Variants in DNMBP observed in about 807,000 individuals in gnomAD.
DNMBP encodes the protein dynamin-binding protein.
In DNMBP, 87 loss-of-function variants were observed where a neutral mutation model predicts 150.0. The observed-to-expected ratio is 0.58, with a 90% CI of 0.49 to 0.69. The LOEUF (loss-of-function observed/expected upper bound fraction) is 0.69, where lower values mean the gene tolerates loss of function less well. Ranked by LOEUF, DNMBP falls within the 30% of genes least tolerant of loss-of-function variation. The pLI is 0.00. For missense variants in DNMBP, 1,774 were observed against 1,949.0 expected (o/e 0.91, Z 1.69); for synonymous variants, 711 against 750.4 (o/e 0.95, Z 0.86).
intron 11 of DNMBP, chr10:99,889,482 C>T (rs2039524003): frequency 6.6e-6 from 1 of 152,412 alleles, no homozygotes; most frequent in African/African-American, 2.4e-5. Flanking sequence ...TTGACTAATG[C>T]TTGCTTATTG....
chr10:99,924,693 G>A (rs1448006470), intron 4 of DNMBP, among the ~76,000 whole-genome samples: 1 of 152,150 alleles, frequency 6.6e-6, no homozygotes, highest in East Asian at 1.9e-4. Flanking sequence ...AAGGAGATAT[G>A]GGATCTATGT....
At chr10:99,995,664 T>C (rs1193213606) in intron 1 of DNMBP, among the ~76,000 whole-genome samples, 1 of 152,220 alleles carries the variant, frequency 6.6e-6, no homozygotes, top group Admixed American at 6.5e-5. Context: ...TGGTTGCAGA[T>C]ATGTGACTTG....
chr10:99,991,366 C>T (rs1448905938), intron 1 of DNMBP, among the ~76,000 whole-genome samples: 2 of 151,878 alleles, frequency 1.3e-5, no homozygotes, highest in African/African-American at 2.4e-5. Context: ...CGTGAGCCAC[C>T]GCGGCCGGTC....
chr10:99,910,260 G>T (rs929034218), intron 4 of DNMBP, among the ~76,000 whole-genome samples: 4 of 152,230 alleles, frequency 2.6e-5, no homozygotes, highest in Admixed American at 2.0e-4. Flanking sequence ...AGGAATTCTG[G>T]GACGGGTGCA....
chr10:99,905,454 C>G (rs1377562592), intron 6 of DNMBP, among the ~76,000 whole-genome samples: 1 of 152,128 alleles, frequency 6.6e-6, no homozygotes, highest in Non-Finnish European at 1.5e-5. Context: ...GATAGAGTAC[C>G]TAAACTGGCT....
intron 3 of DNMBP, among the ~76,000 whole-genome samples, chr10:99,964,103 CCT>C (rs1262120422): frequency 1.3e-5 from 2 of 150,416 alleles, no homozygotes; most frequent in East Asian, 1.9e-4. Context: ...TTGTTTCTCT[CCT>C]CTCTGTCTTT....
chr10:99,989,201 G>C (rs2040860504), intron 1 of DNMBP, among the ~76,000 whole-genome samples: 1 of 152,174 alleles, frequency 6.6e-6, no homozygotes, highest in Non-Finnish European at 1.5e-5. Flanking sequence ...ACCCTTTACT[G>C]TGTAATCATG....
rs199654258 is a variant in DNMBP at position 99,886,490 on chromosome 10, T to A, written c.3428A>T (p.Asp1143Val). Residue 1143 changes from aspartate to valine, a missense_variant, in exon 13 of 17, where the codon GAC becomes GTC. Physicochemically the swap from Asp to Val is radical, Grantham distance 152. Transcript: ENST00000324109. The part of the protein sequence containing the change: ...NCTERAEKLK[D>V]KKTLEELQSA... Reference sequence around the variant, plus strand: ...CTGCAGCTCCTCCAGGGTCTTCTTGTCCTTTAGCTTTTCTGCCCGTTCTGT... The same window carrying A: ...CTGCAGCTCCTCCAGGGTCTTCTTGACCTTTAGCTTTTCTGCCCGTTCTGT... 9.9e-6 allele frequency: 16 copies of A among 1,614,158 alleles called. No homozygotes were observed. The Admixed American group carries it at 1.2e-4, about 12-fold the overall frequency.
chr10:99,918,996 T>A (rs2133263264), intron 4 of DNMBP, among the ~76,000 whole-genome samples: 1 of 152,368 alleles, frequency 6.6e-6, no homozygotes, highest in South Asian at 2.1e-4. Flanking sequence ...AAGCAAATTT[T>A]TATGTCAGTC....
At chr10:99,903,470 C>A (rs115176074) in intron 6 of DNMBP, among the ~76,000 whole-genome samples, 28 of 152,194 alleles carry the variant, frequency 1.8e-4, no homozygotes, top group African/African-American at 6.5e-4. Context: ...ATAGCTGGAA[C>A]TACAAGTGTG....
At chr10:99,932,560 C>T (rs1422428927) in intron 4 of DNMBP, among the ~76,000 whole-genome samples, 1 of 151,298 alleles carries the variant, frequency 6.6e-6, no homozygotes, top group African/African-American at 2.4e-5. Context: ...CATAGTTCCC[C>T]TGGCATTTAG....
At chr10:99,964,880 A>G (rs2040604088) in intron 3 of DNMBP, among the ~76,000 whole-genome samples, 1 of 123,356 alleles carries the variant, frequency 8.1e-6, no homozygotes, top group African/African-American at 3.4e-5. Flanking sequence ...CAAGGAAAAA[A>G]AAAAAATATA....
chr10:99,927,225 C>G (rs1218427052), intron 4 of DNMBP: 1 of 152,094 alleles, frequency 6.6e-6, no homozygotes. Context: ...GAAGTGTTTA[C>G]GGTCTAGGGT....
intron 13 of DNMBP, 140 bp downstream of exon 13, chr10:99,886,160 A>T (rs2039458667): frequency 7.8e-6 from 6 of 769,004 alleles, no homozygotes; most frequent in Non-Finnish European, 1.2e-5. Context: ...CAAGGGATTA[A>T]GATTTCCTGA....
At chr10:99,919,078 G>T (rs989881915) in intron 4 of DNMBP, among the ~76,000 whole-genome samples, 2 of 152,104 alleles carry the variant, frequency 1.3e-5, no homozygotes, top group African/African-American at 4.8e-5. Context: ...ATTTTACCAA[G>T]GCTCTTGAGG....
intron 11 of DNMBP, among the ~76,000 whole-genome samples, chr10:99,892,246 T>C (rs1358360608): frequency 4.7e-5 from 7 of 150,074 alleles, no homozygotes; most frequent in Admixed American, 2.7e-4. Flanking sequence ...CACCACCCCG[T>C]CTGGGAGGTG....
chr10:99,886,354 T>C lies in DNMBP; in HGVS notation c.3564A>G (p.Glu1188=), dbSNP rs1361163973. 7 of 1,614,194 alleles carry C rather than the reference T, an allele frequency of 4.3e-6. No individual in the cohort carries two copies. The East Asian group carries it at 1.6e-4, about 36-fold the overall frequency. Residue 1188 remains glutamate, a synonymous_variant, in exon 13 of 17, where the codon GAA becomes GAG. Coordinates refer to ENST00000324109, the MANE Select transcript of DNMBP (RefSeq NM_015221.4). ...LFTNCVHGYA[E]AHCDFVHQAL... Reference sequence around the variant, plus strand: ...CCTGGTGCACAAAGTCACAGTGGGCTTCAGCATAGCCGTGGACACAGTTGG... The same window carrying C: ...CCTGGTGCACAAAGTCACAGTGGGCCTCAGCATAGCCGTGGACACAGTTGG...
intron 1 of DNMBP, among the ~76,000 whole-genome samples, chr10:99,990,511 A>T (rs972025164): frequency 6.6e-6 from 1 of 151,590 alleles, no homozygotes; most frequent in Non-Finnish European, 1.5e-5. Context: ...GAGATACACC[A>T]CTGCACTCCG....
chr10:99,883,490 G>A (rs908713307), intron 15 of DNMBP, among the ~76,000 whole-genome samples: 6 of 151,782 alleles, frequency 4.0e-5, no homozygotes, highest in Admixed American at 1.3e-4. Flanking sequence ...ATGGCAAGAC[G>A]TAATATCTAT....
Sources: gnomAD v4.1 joint callset for allele counts (sites outside exome capture counted in the v4.1 genomes callset) on GRCh38, gnomAD v4.1.1 for gene constraint, MANE v1.5 for transcripts, NCBI Gene and HGNC (gene_info 2026-07-23, HGNC 2026-07-21) for gene names.